Variants in PHC2 observed in about 807,000 individuals in gnomAD.
PHC2 encodes polyhomeotic-like protein 2.
In PHC2, 29 loss-of-function variants were observed where a neutral mutation model predicts 87.4. That is an observed-to-expected ratio of 0.33 (90% confidence interval 0.25 to 0.45). PHC2 has a LOEUF of 0.45. Among genes scored for constraint, PHC2 ranks in the 20% least tolerant of loss-of-function variants. The probability of loss-of-function intolerance (pLI) is 1.00; values close to 1 mark genes in which losing one functional copy is unlikely to be tolerated. For missense variants in PHC2, 857 were observed against 1,136.7 expected, an observed-to-expected ratio of 0.75 and a Z score of 3.54; for synonymous variants, 438 against 461.7, an observed-to-expected ratio of 0.95 and a Z score of 0.66.
chr1:33,336,379 G>A (rs1043765233), intron 9 of PHC2, among the ~76,000 whole-genome samples: 1 of 152,116 alleles, frequency 6.6e-6, no homozygotes, highest in Non-Finnish European at 1.5e-5. Flanking sequence ...CATGTCTTTA[G>A]TACTCAGTCC....
rs1647349304 is a variant in PHC2, at chr1:33,364,725, A to AT, written c.976+2390dup. Among the ~76,000 whole-genome samples, 1 of 152,128 alleles carries AT rather than the reference A, an allele frequency of 6.6e-6. No homozygotes were observed. Among genetic ancestry groups the AT allele is most frequent in the Admixed American group, 6.5e-5 (1 of 15,284 alleles). On this transcript the variant is annotated intron_variant, in intron 7 of 14. Coordinates refer to ENST00000683057, the MANE Select transcript of PHC2 (RefSeq NM_001385109.1). The surrounding 1 kb of genome is among the most constrained non-coding windows in gnomAD (Gnocchi z 4.1). ...GTGGGAGAGAGGAAGAATGAACAGG[A>AT]TGGTGGGAGGCAGGAACAATGCAGG...
chr1:33,393,724 A>ACC (rs1553188964), intron 1 of PHC2, among the ~76,000 whole-genome samples: 1 of 150,232 alleles, frequency 6.7e-6, no homozygotes, highest in African/African-American at 2.5e-5. Flanking sequence ...AGGCAAGAAT[A>ACC]AACTCTACCC....
intron 9 of PHC2, chr1:33,347,342 C>T (rs1386885016): frequency 2.0e-6 from 2 of 985,188 alleles, no homozygotes; most frequent in African/African-American, 3.5e-5. Context: ...ATGATGAGAC[C>T]CACAGCCAGG....
chr1:33,427,146 C>T (rs905717171), intron 1 of PHC2, among the ~76,000 whole-genome samples: 3 of 152,104 alleles, frequency 2.0e-5, no homozygotes, highest in Non-Finnish European at 2.9e-5. Flanking sequence ...TTAGTCTTTC[C>T]GTGCTGCCAA....
Position 33,416,532 on chromosome 1 carries a change from C to T in PHC2, c.-55+14444G>A, listed in dbSNP as rs552991035. 1.2e-4 allele frequency among the ~76,000 whole-genome samples: 18 copies of T among 146,666 alleles called. No homozygotes were observed. The South Asian group carries it at 2.2e-3, about 18-fold the overall frequency. ...CAGAGGTTGCAGTGAGCCGAGATCA[C>T]GCCACTGCACTCCAGCCTGGGCAAC... On this transcript the variant is annotated intron_variant, in intron 1 of 14. Coordinates refer to ENST00000683057, the MANE Select transcript of PHC2 (RefSeq NM_001385109.1).
chr1:33,423,412 T>C (rs1257954372), intron 1 of PHC2, among the ~76,000 whole-genome samples: 1 of 152,134 alleles, frequency 6.6e-6, no homozygotes, highest in African/African-American at 2.4e-5. Context: ...CCCGTACAGC[T>C]AAAATAAGAA....
intron 1 of PHC2, among the ~76,000 whole-genome samples, chr1:33,406,936 A>C (rs1649787704): frequency 6.6e-6 from 1 of 152,094 alleles, no homozygotes; most frequent in Non-Finnish European, 1.5e-5. Context: ...TCTGACCTGC[A>C]TGTCTCTTAC....
chr1:33,343,220 T>G (rs556989358), intron 9 of PHC2, among the ~76,000 whole-genome samples: 5 of 151,974 alleles, frequency 3.3e-5, no homozygotes, highest in African/African-American at 9.7e-5. Flanking sequence ...CCTAGCACTT[T>G]GGGAGGCTGA....
At chr1:33,343,858 A>C (rs1646794682) in intron 9 of PHC2, among the ~76,000 whole-genome samples, 1 of 152,196 alleles carries the variant, frequency 6.6e-6, no homozygotes, top group Admixed American at 6.5e-5. Flanking sequence ...AGGCTTCAGG[A>C]AGAAATGTTA....
chr1:33,327,138 C>T (rs911462508), intron 14 of PHC2, among the ~76,000 whole-genome samples: 7 of 152,102 alleles, frequency 4.6e-5, no homozygotes, highest in Admixed American at 2.0e-4. Context: ...TAAACCCTAG[C>T]GGATTTCGGA....
intron 1 of PHC2, among the ~76,000 whole-genome samples, chr1:33,387,881 T>C (rs1648843586): frequency 6.6e-6 from 1 of 152,234 alleles, no homozygotes; most frequent in Non-Finnish European, 1.5e-5. Context: ...CTAAGGCAAA[T>C]GTGTCAACTA....
intron 9 of PHC2, chr1:33,346,082 G>A (rs1263483234): frequency 1.5e-5 from 15 of 985,132 alleles, no homozygotes; most frequent in Non-Finnish European, 1.8e-5. Context: ...CCCATCTTGA[G>A]GGGTAGTTCA....
intron 9 of PHC2, chr1:33,336,830 GT>G: frequency 6.6e-6 from 1 of 152,382 alleles, no homozygotes; most frequent in Middle Eastern, 3.4e-3. Context: ...GATCAATGGG[GT>G]GACAGGTGTT....
At chr1:33,419,277 C>A (rs914051449) in intron 1 of PHC2, among the ~76,000 whole-genome samples, 5 of 152,150 alleles carry the variant, frequency 3.3e-5, no homozygotes, top group African/African-American at 1.2e-4. Context: ...TAAGTGACTA[C>A]CCTCATTGTT....
chr1:33,381,836 T>G (rs1477670610), intron 1 of PHC2, among the ~76,000 whole-genome samples: 1 of 152,106 alleles, frequency 6.6e-6, no homozygotes, highest in Non-Finnish European at 1.5e-5. Flanking sequence ...AATATGCTTG[T>G]GTATCCATCA....
At chr1:33,383,313 G>A (rs1054599934) in intron 1 of PHC2, among the ~76,000 whole-genome samples, 3 of 152,214 alleles carry the variant, frequency 2.0e-5, no homozygotes, top group South Asian at 2.1e-4. Context: ...TCCTCTGCAT[G>A]TTGCCACCTT....
Position 33,369,252 on chromosome 1 carries a change from T to C in PHC2, c.577-630A>G, listed in dbSNP as rs1647675448. Among the ~76,000 whole-genome samples the C allele has an allele frequency of 6.6e-6, 1 of 152,252 alleles. No individual in the cohort carries two copies. The highest frequency in any genetic ancestry group is 1.5e-5 in the Non-Finnish European group (1 of 68,042). On this transcript the variant is annotated intron_variant, in intron 5 of 14. Coordinates refer to ENST00000683057, the MANE Select transcript of PHC2 (RefSeq NM_001385109.1). This position sits in a 1 kb window ranked among gnomAD's most constrained non-coding sequence, Gnocchi z 4.7. Reference sequence around the variant, plus strand: ...TGCAGGATCCATGGTGTTCTCTGCATGACACCTCGACCTCCGTGGGAGTCT... The same window carrying C: ...TGCAGGATCCATGGTGTTCTCTGCACGACACCTCGACCTCCGTGGGAGTCT...
chr1:33,326,065 A>C, intron 14 of PHC2: 1 of 352,144 alleles, frequency 2.8e-6, no homozygotes, highest in Non-Finnish European at 5.7e-6. Context: ...GCAGAAATGT[A>C]AGTTGAATGT....
At chr1:33,328,226 T>C (rs1646412874) in intron 14 of PHC2, among the ~76,000 whole-genome samples, 1 of 152,186 alleles carries the variant, frequency 6.6e-6, no homozygotes, top group Admixed American at 6.5e-5. Flanking sequence ...CCACCACTTG[T>C]GCTCCACCAC....
Sources: allele counts gnomAD v4.1 joint callset (sites outside exome capture counted in the v4.1 genomes callset), GRCh38; gene constraint gnomAD v4.1.1; non-coding constraint Gnocchi (gnomAD v3.1); transcripts MANE v1.5; gene names NCBI Gene and HGNC (gene_info 2026-07-23, HGNC 2026-07-21).